The following SCLT1 variants were observed in gnomAD, a reference collection of about 807,000 sequenced individuals.
SCLT1 encodes sodium channel and clathrin linker 1.
Under a neutral mutation model 112.8 loss-of-function variants are expected in SCLT1, and 78 were observed. That is an observed-to-expected ratio of 0.69 (90% CI 0.58 to 0.83). SCLT1 has a LOEUF of 0.83. Ranked by LOEUF, SCLT1 falls within the 40% of genes least tolerant of loss-of-function variation. The probability of loss-of-function intolerance (pLI) is 0.00; values close to 1 mark genes in which losing one functional copy is unlikely to be tolerated. For synonymous variants in SCLT1, 257 were observed against 254.7 expected (o/e 1.01, Z -0.09); for missense variants, 747 against 770.4 (o/e 0.97, Z 0.36).
At chr4:128,906,592 T>C (rs1234962641) in intron 18 of SCLT1, among the ~76,000 whole-genome samples, 3 of 152,206 alleles carry the variant, frequency 2.0e-5, no homozygotes, top group African/African-American at 7.2e-5. Context: ...TTTATAAAGA[T>C]CCTTCACAGG....
chr4:129,079,528 C>A (rs1408069575), intron 2 of SCLT1, among the ~76,000 whole-genome samples: 1 of 152,192 alleles, frequency 6.6e-6, no homozygotes, highest in Admixed American at 6.5e-5. Flanking sequence ...CTAGGCAACA[C>A]TGATGCAAGG....
intron 5 of SCLT1, among the ~76,000 whole-genome samples, chr4:129,031,365 G>T (rs1176297791): frequency 6.6e-6 from 1 of 152,036 alleles, no homozygotes; most frequent in Non-Finnish European, 1.5e-5. Context: ...ATACTGAATG[G>T]GCAAAAGCTG....
chr4:128,988,600 A>G (rs1315988123), intron 9 of SCLT1, among the ~76,000 whole-genome samples: 1 of 152,010 alleles, frequency 6.6e-6, no homozygotes, highest in Non-Finnish European at 1.5e-5. Flanking sequence ...CCAGAAAAAA[A>G]GTAACAAAAT....
chr4:129,038,405 T>C (rs1747381570), intron 5 of SCLT1, among the ~76,000 whole-genome samples: 1 of 152,178 alleles, frequency 6.6e-6, no homozygotes, highest in South Asian at 2.1e-4. Flanking sequence ...CACTTGTGTA[T>C]GTTATTGAAT....
chr4:128,891,276 T>C, intron 18 of SCLT1, 139 bp from the exon 19 acceptor site: 1 of 630,140 alleles, frequency 1.6e-6, no homozygotes, highest in East Asian at 2.7e-5. Context: ...TAATAGACCA[T>C]ATCTCAAGGA....
At chr4:128,922,933 G>A (rs984739825) in intron 18 of SCLT1, among the ~76,000 whole-genome samples, 1 of 152,010 alleles carries the variant, frequency 6.6e-6, no homozygotes, top group Non-Finnish European at 1.5e-5. Flanking sequence ...AAATAAAGAG[G>A]GTGAGAGACA....
At chr4:128,995,397 T>C (rs1742924026) in intron 8 of SCLT1, among the ~76,000 whole-genome samples, 1 of 152,204 alleles carries the variant, frequency 6.6e-6, no homozygotes, top group Non-Finnish European at 1.5e-5. Flanking sequence ...ATGAGAGTTA[T>C]TTTTAATTCC....
intron 5 of SCLT1, among the ~76,000 whole-genome samples, chr4:129,019,927 T>C (rs1329450540): frequency 6.6e-6 from 1 of 152,102 alleles, no homozygotes; most frequent in Non-Finnish European, 1.5e-5. Flanking sequence ...CTAGAAATAA[T>C]CCTTCTAAAG....
chr4:129,068,908 T>A (rs1167431844), intron 2 of SCLT1, among the ~76,000 whole-genome samples: 1 of 152,212 alleles, frequency 6.6e-6, no homozygotes, highest in African/African-American at 2.4e-5. Context: ...CAGTTTCAGG[T>A]CTTAGATTTA....
intron 10 of SCLT1, among the ~76,000 whole-genome samples, chr4:128,968,718 T>A (rs1041416347): frequency 2.6e-5 from 4 of 152,208 alleles, no homozygotes; most frequent in African/African-American, 9.7e-5. Context: ...TTATTTTTAT[T>A]TTTTTAGTTC....
chr4:129,070,143 T>C (rs903898632), intron 2 of SCLT1, among the ~76,000 whole-genome samples: 2 of 152,174 alleles, frequency 1.3e-5, no homozygotes, highest in Non-Finnish European at 2.9e-5. Context: ...CGCTACGTTG[T>C]TGGATACAGT....
At chr4:128,883,141 TCAA>T (rs1227161496), downstream of SCLT1, among the ~76,000 whole-genome samples, 283 of 106,770 alleles carry the variant, frequency 2.7e-3, 6 homozygotes, top group Middle Eastern at 0.033. Context: ...TGAGACTCTC[TCAA>T]CAACAACAAC....
intron 5 of SCLT1, among the ~76,000 whole-genome samples, chr4:129,017,549 G>A (rs958028022): frequency 7.9e-5 from 12 of 151,830 alleles, no homozygotes; most frequent in African/African-American, 2.9e-4. Flanking sequence ...TATTTTTTAT[G>A]TATGGTTAAA....
At chr4:129,011,587 T>A (rs1243981163) in intron 5 of SCLT1, among the ~76,000 whole-genome samples, 1 of 151,500 alleles carries the variant, frequency 6.6e-6, no homozygotes, top group Non-Finnish European at 1.5e-5. Flanking sequence ...CTAAGCATTT[T>A]TTTTTTGGAA....
At position 129,082,307 on chromosome 4, in the gene SCLT1, T is replaced by A. The variant is rs747101295; in HGVS notation, c.101A>T (p.Gln34Leu). The A allele has an allele frequency of 4.7e-6, 7 of 1,476,458 alleles. No individual in the cohort carries two copies. The East Asian group carries it at 1.4e-4, about 29-fold the overall frequency. 91.5% of individuals were successfully genotyped at this position (1,476,458 alleles called of 1,614,324 possible). A position where few individuals can be genotyped will look rare whatever the true frequency, so the allele number is the denominator to read the frequency against. ...MESFSKYSSV[Q>L]KAVCQGEGDD... Reference sequence around the variant, plus strand: ...AAGTAGAATTTATAATTTACATACCTGTACAGATGAATATTTGGAAAAACT... The same window carrying A: ...AAGTAGAATTTATAATTTACATACCAGTACAGATGAATATTTGGAAAAACT... The change falls in exon 2 of 21, where the codon CAG (glutamine) becomes CTG (leucine). Residue 34 changes from glutamine (Q) to leucine (L), a missense_variant and splice_region_variant. Transcript: ENST00000281142.
intron 5 of SCLT1, among the ~76,000 whole-genome samples, chr4:129,006,140 C>A (rs1743993762): frequency 1.3e-5 from 2 of 151,582 alleles, no homozygotes; most frequent in Admixed American, 1.3e-4. Flanking sequence ...ACATTGTGCA[C>A]ATGTACCCTA....
intron 18 of SCLT1, among the ~76,000 whole-genome samples, chr4:128,931,056 C>A (rs751629911): frequency 2.0e-5 from 3 of 151,178 alleles, no homozygotes; most frequent in Non-Finnish European, 4.4e-5. Context: ...GAAGGAGAAA[C>A]TATTTTCACT....
intron 5 of SCLT1, among the ~76,000 whole-genome samples, chr4:129,016,926 C>T (rs1373072283): frequency 6.6e-6 from 1 of 152,088 alleles, no homozygotes; most frequent in Non-Finnish European, 1.5e-5. Context: ...GATTACAGTA[C>T]CTACTCTGTC....
chr4:128,876,924 A>G (rs2125914288), intron 3 of SCLT1, among the ~76,000 whole-genome samples: 1 of 152,326 alleles, frequency 6.6e-6, no homozygotes, highest in Non-Finnish European at 1.5e-5. Context: ...TGTGTATTAC[A>G]TTTAATATTG....
Sources: allele counts gnomAD v4.1 joint callset (sites outside exome capture counted in the v4.1 genomes callset), GRCh38; gene constraint gnomAD v4.1.1; transcripts MANE v1.5; gene names NCBI Gene and HGNC (gene_info 2026-07-23, HGNC 2026-07-21).